The following ERG variants were observed in gnomAD, a reference collection of about 807,000 sequenced individuals.
ERG encodes the protein transcriptional regulator ERG.
In ERG, 9 loss-of-function variants were observed where a neutral mutation model predicts 55.3. That is an observed-to-expected ratio of 0.16 (90% CI 0.10 to 0.28). The LOEUF is 0.28. Among genes scored for constraint, ERG ranks in the 10% least tolerant of loss-of-function variants. The pLI is 1.00. For missense variants in ERG, 434 were observed against 631.6 expected (o/e 0.69, Z 3.35); for synonymous variants, 223 against 237.3 (o/e 0.94, Z 0.55).
chr21:38,591,743 GAA>G (rs2146895278), intron 1 of ERG, among the ~76,000 whole-genome samples: 1 of 152,216 alleles, frequency 6.6e-6, no homozygotes, highest in East Asian at 1.9e-4. Context: ...AAACAAAAAT[GAA>G]AAGCACTAAC....
intron 1 of ERG, among the ~76,000 whole-genome samples, chr21:38,623,050 C>T (rs914014792): frequency 2.8e-5 from 4 of 142,632 alleles, no homozygotes; most frequent in Non-Finnish European, 4.6e-5. Flanking sequence ...CAAGACCACA[C>T]ACACACATCA....
At position 38,427,789 on chromosome 21, in the gene ERG, G is replaced by A. The variant is rs144819230; in HGVS notation, c.237-4228C>T. 9.2e-5 allele frequency among the ~76,000 whole-genome samples: 14 copies of A among 152,272 alleles called. No homozygotes were observed. The East Asian group carries it at 2.7e-3, about 29-fold the overall frequency. On this transcript the variant is annotated intron_variant, in intron 2 of 9. Transcript: ENST00000288319. ...CCTACCCTGGGACTGTTCATTCCCT[G>A]AAAAGCATGTGCATGACACAAACAG... is the stretch of plus-strand genomic sequence containing the variant.
At chr21:38,522,879 C>G (rs1471471383) in intron 2 of ERG, among the ~76,000 whole-genome samples, 2 of 152,188 alleles carry the variant, frequency 1.3e-5, no homozygotes, top group East Asian at 3.8e-4. Context: ...CTCTGACAAT[C>G]TTTTTAAATA....
intron 1 of ERG, among the ~76,000 whole-genome samples, chr21:38,613,067 TTG>T (rs2060237761): frequency 6.6e-6 from 1 of 152,228 alleles, no homozygotes; most frequent in South Asian, 2.1e-4. Flanking sequence ...TCTTCTCCAT[TTG>T]TTTGCTGATT....
intron 1 of ERG, among the ~76,000 whole-genome samples, chr21:38,628,995 G>C (rs773935233): frequency 6.6e-6 from 1 of 152,152 alleles, no homozygotes; most frequent in Non-Finnish European, 1.5e-5. Context: ...CAGTATACTA[G>C]TACTGTTAAA....
intron 6 of ERG, among the ~76,000 whole-genome samples, chr21:38,399,426 G>A (rs1237902781): frequency 6.6e-6 from 1 of 152,152 alleles, no homozygotes; most frequent in Non-Finnish European, 1.5e-5. Context: ...GAACCAGTTC[G>A]AACTGAGACT....
At chr21:38,468,924 G>A (rs935836328) in intron 1 of ERG, among the ~76,000 whole-genome samples, 4 of 145,348 alleles carry the variant, frequency 2.8e-5, no homozygotes, top group Non-Finnish European at 5.9e-5. Flanking sequence ...GGCGGAGCTT[G>A]CAGTGAACCA....
chr21:38,379,233 CT>C (rs1332029149), downstream of ERG, among the ~76,000 whole-genome samples: 2 of 152,192 alleles, frequency 1.3e-5, no homozygotes, highest in Non-Finnish European at 2.9e-5. Context: ...ATCAGGATAG[CT>C]TCTGTATCCT....
chr21:38,635,596 T>C (rs1306884492), intron 1 of ERG, among the ~76,000 whole-genome samples: 1 of 152,186 alleles, frequency 6.6e-6, no homozygotes, highest in Admixed American at 6.5e-5. Context: ...AAACTTCTCA[T>C]TTCTAAAATC....
intron 2 of ERG, among the ~76,000 whole-genome samples, chr21:38,425,858 G>A (rs62217912): frequency 0.23 from 34,437 of 152,214 alleles, 4,052 homozygotes; most frequent in South Asian, 0.3. Context: ...TTCTGAGTGG[G>A]GTGAGATGGA....
At chr21:38,597,777 C>G (rs2060141240) in intron 1 of ERG, among the ~76,000 whole-genome samples, 1 of 152,164 alleles carries the variant, frequency 6.6e-6, no homozygotes. Flanking sequence ...GAGCCCACAC[C>G]AACTGGGCAA....
downstream of ERG, among the ~76,000 whole-genome samples, chr21:38,379,323 C>T (rs1987325913): frequency 6.6e-6 from 1 of 152,210 alleles, no homozygotes; most frequent in Admixed American, 6.5e-5. Flanking sequence ...TCTAGACGAG[C>T]ATCCATTTTT....
At chr21:38,515,060 T>C (rs2146733665) in intron 2 of ERG, among the ~76,000 whole-genome samples, 1 of 152,028 alleles carries the variant, frequency 6.6e-6, no homozygotes, top group South Asian at 2.1e-4. Flanking sequence ...CACCAAAAAC[T>C]ACAAAATATT....
At chr21:38,448,755 C>T (rs1371654407) in intron 1 of ERG, among the ~76,000 whole-genome samples, 1 of 152,194 alleles carries the variant, frequency 6.6e-6, no homozygotes, top group African/African-American at 2.4e-5. Flanking sequence ...GTTTCATCAT[C>T]CCTTCGGTTA....
chr21:38,541,171 C>G (rs892895879), intron 2 of ERG, among the ~76,000 whole-genome samples: 2 of 152,190 alleles, frequency 1.3e-5, no homozygotes, highest in African/African-American at 4.8e-5. Context: ...AATTATAAAT[C>G]CTTAGGATAC....
intron 9 of ERG, among the ~76,000 whole-genome samples, chr21:38,389,170 G>A (rs575730831): frequency 1.9e-4 from 29 of 152,114 alleles, no homozygotes; most frequent in Non-Finnish European, 3.8e-4. Context: ...TTCATACTTA[G>A]TCAGTGGCAG....
In ERG at chr21:38,498,150, C is replaced by T. The variant is rs145070694; in HGVS notation, c.18+213G>A. On this transcript the variant is annotated intron_variant, in intron 1 of 9. Coordinates refer to ENST00000288319, the MANE Select transcript of ERG (RefSeq NM_182918.4). This position sits in a 1 kb window ranked among gnomAD's most constrained non-coding sequence, Gnocchi z 4.6. ...CACTCAACAGTGAATTTAGAAACCC[C>T]AATTTTTTTCTGAGTTTGAAGTTTT... 1.5e-3 allele frequency among the ~76,000 whole-genome samples: 224 copies of T among 152,260 alleles called. No individual in the cohort carries two copies. Among genetic ancestry groups the T allele is most frequent in the African/African-American group, 4.9e-3 (204 of 41,550 alleles).
At chr21:38,647,832 G>C (rs1407271395) in intron 1 of ERG, among the ~76,000 whole-genome samples, 1 of 152,072 alleles carries the variant, frequency 6.6e-6, no homozygotes, top group Non-Finnish European at 1.5e-5. Context: ...TCCTATTTTA[G>C]AAGCCAATGG....
chr21:38,606,323 T>A (rs760779491), intron 1 of ERG, among the ~76,000 whole-genome samples: 70 of 152,192 alleles, frequency 4.6e-4, no homozygotes, highest in Non-Finnish European at 9.6e-4. Context: ...GATAGACAGA[T>A]AGATAGATAA....
Sources: allele counts gnomAD v4.1 joint callset (sites outside exome capture counted in the v4.1 genomes callset), GRCh38; gene constraint gnomAD v4.1.1; non-coding constraint Gnocchi (gnomAD v3.1); transcripts MANE v1.5; gene names NCBI Gene and HGNC (gene_info 2026-07-23, HGNC 2026-07-21).